The following SIPA1L1 variants were observed in gnomAD, a reference collection of about 807,000 sequenced individuals.
SIPA1L1 encodes signal induced proliferation associated 1 like 1.
In SIPA1L1, 26 loss-of-function variants were observed where a neutral mutation model predicts 162.7. The ratio of observed to expected loss-of-function variants is 0.16; its 90% CI spans 0.12 to 0.22. The LOEUF (loss-of-function observed/expected upper bound fraction) is 0.22, where lower values mean the gene tolerates loss of function less well. Ranked by LOEUF, SIPA1L1 falls within the 10% of genes least tolerant of loss-of-function variation. SIPA1L1 has a pLI of 1.00. For synonymous variants in SIPA1L1, 829 were observed against 837.4 expected (o/e 0.99, Z 0.17); for missense variants, 1,874 against 2,241.0 (o/e 0.84, Z 3.31).
intron 7 of SIPA1L1, among the ~76,000 whole-genome samples, chr14:71,630,061 A>C (rs2040418355): frequency 1.3e-5 from 2 of 152,226 alleles, no homozygotes; most frequent in Non-Finnish European, 2.9e-5. Context: ...ATTTTTTCCA[A>C]AACTGATTTT....
At chr14:71,339,134 A>G (rs2035387471) in intron 2 of SIPA1L1, among the ~76,000 whole-genome samples, 1 of 152,222 alleles carries the variant, frequency 6.6e-6, no homozygotes, top group Non-Finnish European at 1.5e-5. Context: ...GGAGTAATGC[A>G]GACAGAGAGC....
chr14:71,694,416 T>TAGTCAAAAGACTTC (rs1422188179), intron 13 of SIPA1L1, among the ~76,000 whole-genome samples: 1 of 152,142 alleles, frequency 6.6e-6, no homozygotes, highest in African/African-American at 2.4e-5. Context: ...GTGTTAAGTG[T>TAGTCAAAAGACTTC]AGTCAAAAGA....
chr14:71,425,194 A>G (rs879699008), intron 2 of SIPA1L1, among the ~76,000 whole-genome samples: 1 of 151,968 alleles, frequency 6.6e-6, no homozygotes, highest in Non-Finnish European at 1.5e-5. Flanking sequence ...TTTTGTTGAT[A>G]TTTCCAAAGA....
At chr14:71,514,117 AAAG>A (rs1263601300) in intron 3 of SIPA1L1, among the ~76,000 whole-genome samples, 2 of 152,226 alleles carry the variant, frequency 1.3e-5, no homozygotes, top group African/African-American at 4.8e-5. Flanking sequence ...AGCAGGAACA[AAAG>A]GAGAGAAAGT....
At chr14:71,679,517 T>C (rs1406431688) in intron 12 of SIPA1L1, among the ~76,000 whole-genome samples, 3 of 152,006 alleles carry the variant, frequency 2.0e-5, no homozygotes, top group African/African-American at 7.3e-5. Flanking sequence ...TAGGAAGAAA[T>C]TGCATGAACT....
At chr14:71,428,609 G>A (rs1466418907) in intron 2 of SIPA1L1, among the ~76,000 whole-genome samples, 4 of 152,242 alleles carry the variant, frequency 2.6e-5, no homozygotes, top group Middle Eastern at 3.4e-3. Context: ...TTGAATGGGG[G>A]TTGGGGAGAA....
At chr14:71,462,608 C>G (rs2046688839) in intron 2 of SIPA1L1, among the ~76,000 whole-genome samples, 1 of 152,216 alleles carries the variant, frequency 6.6e-6, no homozygotes, top group African/African-American at 2.4e-5. Flanking sequence ...CCCCATACCA[C>G]TGGATCCCTA....
At chr14:71,376,374 G>A (rs912593588) in intron 2 of SIPA1L1, among the ~76,000 whole-genome samples, 2 of 150,792 alleles carry the variant, frequency 1.3e-5, no homozygotes, top group Non-Finnish European at 3.0e-5. Flanking sequence ...AGGCATGTTG[G>A]GTTTACTTTG....
intron 16 of SIPA1L1, among the ~76,000 whole-genome samples, chr14:71,705,801 CTT>C (rs1042198665): frequency 6.6e-6 from 1 of 152,028 alleles, no homozygotes; most frequent in Non-Finnish European, 1.5e-5. Flanking sequence ...TACCGCTTCT[CTT>C]GTCTTTCATA....
chr14:71,461,978 T>G (rs1173686295), intron 2 of SIPA1L1, among the ~76,000 whole-genome samples: 2 of 152,198 alleles, frequency 1.3e-5, no homozygotes, highest in Admixed American at 1.3e-4. Flanking sequence ...CTTGAGCCAC[T>G]TCCTCATGTA....
chr14:71,711,059 T>C (rs2082843919), intron 17 of SIPA1L1, among the ~76,000 whole-genome samples: 1 of 152,124 alleles, frequency 6.6e-6, no homozygotes, highest in African/African-American at 2.4e-5. Context: ...TCAGGCCCCA[T>C]GGAATGAAGC....
At chr14:71,644,576 A>T (rs573222850) in intron 7 of SIPA1L1, among the ~76,000 whole-genome samples, 1 of 152,346 alleles carries the variant, frequency 6.6e-6, no homozygotes, top group East Asian at 1.9e-4. Context: ...TTGTAATTTC[A>T]TACAGCAGTC....
At chr14:71,417,480 A>AAAAAAAAAAAAAAAAAAAAAAAAAAAAAC (rs2042872498) in intron 2 of SIPA1L1, among the ~76,000 whole-genome samples, 1 of 135,260 alleles carries the variant, frequency 7.4e-6, no homozygotes, top group Non-Finnish European at 1.6e-5. Flanking sequence ...AAAAAAAAAA[A>AAAAAAAAAAAAAAAAAAAAAAAAAAAAAC]AAAAAAAAAA....
At chr14:71,553,100 C>CA (rs919925524) in intron 4 of SIPA1L1, among the ~76,000 whole-genome samples, 6 of 152,140 alleles carry the variant, frequency 3.9e-5, no homozygotes, top group African/African-American at 1.4e-4. Flanking sequence ...CTCTTCTAAG[C>CA]AATGAATACT....
intron 7 of SIPA1L1, among the ~76,000 whole-genome samples, chr14:71,628,111 C>A (rs1262521465): frequency 6.6e-6 from 1 of 151,982 alleles, no homozygotes; most frequent in Non-Finnish European, 1.5e-5. Context: ...ATAATGAGAC[C>A]CCCGTCTCTA....
chr14:71,715,630 C>T (rs1239079826), intron 17 of SIPA1L1, among the ~76,000 whole-genome samples: 1 of 152,206 alleles, frequency 6.6e-6, no homozygotes, highest in Non-Finnish European at 1.5e-5. Flanking sequence ...AAAAGATTAT[C>T]AAATGTATTG....
chr14:71,376,058 G>T (rs1275557700), intron 2 of SIPA1L1, among the ~76,000 whole-genome samples: 1 of 152,072 alleles, frequency 6.6e-6, no homozygotes. Context: ...TATAAAATGA[G>T]TTGGGCTTTG....
At chr14:71,508,795 T>C (rs1459668328) in intron 2 of SIPA1L1, among the ~76,000 whole-genome samples, 1 of 152,232 alleles carries the variant, frequency 6.6e-6, no homozygotes, top group Non-Finnish European at 1.5e-5. Context: ...AGTACTCCTT[T>C]TCATGTTGCT....
intron 17 of SIPA1L1, among the ~76,000 whole-genome samples, chr14:71,722,839 G>A (rs1180591623): frequency 2.0e-5 from 3 of 152,248 alleles, no homozygotes; most frequent in African/African-American, 4.8e-5. Context: ...GGGTTCAAGC[G>A]ATTCTCTTGC....
Sources: gnomAD v4.1 joint callset for allele counts (sites outside exome capture counted in the v4.1 genomes callset) on GRCh38, gnomAD v4.1.1 for gene constraint, MANE v1.5 for transcripts, NCBI Gene and HGNC (gene_info 2026-07-23, HGNC 2026-07-21) for gene names.